The following CCSER1 variants were observed in gnomAD, a reference collection of about 807,000 sequenced individuals.
The protein encoded by CCSER1 is serine-rich coiled-coil domain-containing protein 1.
Under a neutral mutation model 82.0 loss-of-function variants are expected in CCSER1, and 41 were observed. The ratio of observed to expected loss-of-function variants is 0.50; its 90% CI spans 0.39 to 0.65. The LOEUF (loss-of-function observed/expected upper bound fraction) is 0.65, where lower values mean the gene tolerates loss of function less well. Among genes scored for constraint, CCSER1 ranks in the 30% least tolerant of loss-of-function variants. The pLI is 0.00. For missense variants in CCSER1, 1,119 were observed against 1,064.2 expected, an observed-to-expected ratio of 1.05 and a Z score of -0.72; for synonymous variants, 414 against 383.9, an observed-to-expected ratio of 1.08 and a Z score of -0.92.
chr4:90,151,236 C>G (rs952107222), intron 1 of CCSER1, among the ~76,000 whole-genome samples: 1 of 151,830 alleles, frequency 6.6e-6, no homozygotes, highest in African/African-American at 2.4e-5. Flanking sequence ...ATAAAAGCCA[C>G]CAGAGGTAAA....
chr4:90,770,604 T>TATTC (rs1751940559), intron 7 of CCSER1, among the ~76,000 whole-genome samples: 1 of 152,234 alleles, frequency 6.6e-6, no homozygotes. Flanking sequence ...TCCTTTAGTG[T>TATTC]ATTCAGTGGT....
rs181967276 is a variant in CCSER1, at chr4:91,079,997, A to C, written c.2173-5953A>C. On this transcript the variant is annotated intron_variant, in intron 9 of 10. Coordinates refer to ENST00000509176, the MANE Select transcript of CCSER1 (RefSeq NM_001145065.2). ...ACTTTAACAACCCCCTGTCAACATTAGACAGATCAACAAGACAGAAAGTTA... is the reference window on the plus strand; with the variant it reads ...ACTTTAACAACCCCCTGTCAACATTCGACAGATCAACAAGACAGAAAGTTA... Among the ~76,000 whole-genome samples, 286 of 152,326 alleles carry C rather than the reference A, an allele frequency of 1.9e-3. 1 individual carries two copies. Among genetic ancestry groups the C allele is most frequent in the South Asian group, 4.6e-3 (22 of 4,828 alleles).
chr4:91,147,717 C>T (rs1279444341), intron 10 of CCSER1, among the ~76,000 whole-genome samples: 1 of 152,136 alleles, frequency 6.6e-6, no homozygotes, highest in South Asian at 2.1e-4. Flanking sequence ...CAGCAAAACT[C>T]TATTTTAATT....
chr4:90,715,691 CT>C (rs1741512275), intron 6 of CCSER1, among the ~76,000 whole-genome samples: 1 of 151,930 alleles, frequency 6.6e-6, no homozygotes, highest in Non-Finnish European at 1.5e-5. Context: ...TACTAAAAGC[CT>C]TTTCAAGTAG....
chr4:90,860,138 T>A (rs1282379974), intron 8 of CCSER1, among the ~76,000 whole-genome samples: 2 of 151,604 alleles, frequency 1.3e-5, no homozygotes, highest in African/African-American at 2.4e-5. Context: ...ACATAAAAAA[T>A]TTGTATAATT....
rs566658320 is a variant in CCSER1 at position 91,088,040 on chromosome 4, C to T, written c.2217+2046C>T. 7.9e-5 allele frequency among the ~76,000 whole-genome samples: 12 copies of T among 152,038 alleles called. No individual in the cohort carries two copies. The South Asian group carries it at 1.2e-3, about 16-fold the overall frequency. ...GATCTCACTTGCTTAAGAAATGGGA[C>T]GTGTATGTATCTAATTTCCATTTGT... On this transcript the variant is annotated intron_variant, in intron 10 of 10. Transcript: ENST00000509176.
chr4:91,146,922 G>A (rs1392782246), intron 10 of CCSER1, among the ~76,000 whole-genome samples: 2 of 152,186 alleles, frequency 1.3e-5, no homozygotes, highest in African/African-American at 4.8e-5. Flanking sequence ...ACAGAGGGCA[G>A]GAGAGGACTC....
chr4:91,396,729 G>A (rs1448453163), intron 10 of CCSER1, among the ~76,000 whole-genome samples: 10 of 151,932 alleles, frequency 6.6e-5, no homozygotes, highest in South Asian at 4.1e-4. Context: ...TTTCAAGTGC[G>A]CCAAGGGAAA....
chr4:91,003,353 G>A (rs1738212342), intron 9 of CCSER1, among the ~76,000 whole-genome samples: 1 of 152,098 alleles, frequency 6.6e-6, no homozygotes. Context: ...GTGAGGGCAG[G>A]GCTAGGCATG....
chr4:90,595,845 T>G (rs1328444587), intron 5 of CCSER1, among the ~76,000 whole-genome samples: 1 of 151,986 alleles, frequency 6.6e-6, no homozygotes, highest in African/African-American at 2.4e-5. Context: ...ATTTTTTGAT[T>G]AGACTTGTTG....
At chr4:91,297,330 C>A in intron 10 of CCSER1, among the ~76,000 whole-genome samples, 1 of 149,520 alleles carries the variant, frequency 6.7e-6, no homozygotes, top group African/African-American at 2.5e-5. Context: ...AGTAAAAAGC[C>A]AAGAATGTTC....
At chr4:91,066,544 A>C (rs1720834177) in intron 9 of CCSER1, among the ~76,000 whole-genome samples, 2 of 152,250 alleles carry the variant, frequency 1.3e-5, no homozygotes, top group Admixed American at 6.5e-5. Context: ...ACCAGAGAAT[A>C]GTGAAAAAAT....
intron 5 of CCSER1, among the ~76,000 whole-genome samples, chr4:90,469,695 CAGCTATCAACA>C: frequency 6.6e-6 from 1 of 152,060 alleles, no homozygotes; most frequent in East Asian, 1.9e-4. Flanking sequence ...TCTATAGCTT[CAGCTATCAACA>C]TTATGGGTGA....
At chr4:90,915,967 G>A (rs1727322318) in intron 8 of CCSER1, among the ~76,000 whole-genome samples, 1 of 152,076 alleles carries the variant, frequency 6.6e-6, no homozygotes, top group Non-Finnish European at 1.5e-5. Flanking sequence ...GGGGTGTGAA[G>A]GACCTCTTCA....
chr4:90,938,634 T>G, intron 9 of CCSER1: 1 of 346,834 alleles, frequency 2.9e-6, no homozygotes, highest in Non-Finnish European at 5.8e-6. Context: ...TCATTTTATT[T>G]TATTGATTTC....
At chr4:90,231,746 C>A (rs1307947256) in intron 1 of CCSER1, among the ~76,000 whole-genome samples, 1 of 152,146 alleles carries the variant, frequency 6.6e-6, no homozygotes, top group African/African-American at 2.4e-5. Flanking sequence ...CCAAAATCTC[C>A]TTAAGCTGCT....
intron 7 of CCSER1, among the ~76,000 whole-genome samples, chr4:90,792,155 T>C (rs2149664852): frequency 6.6e-6 from 1 of 152,334 alleles, no homozygotes; most frequent in Admixed American, 6.5e-5. Context: ...TTATCTGTAA[T>C]TCCTGCACAG....
chr4:91,484,722 CAG>C (rs562049200), intron 10 of CCSER1, among the ~76,000 whole-genome samples: 68 of 152,212 alleles, frequency 4.5e-4, no homozygotes, highest in African/African-American at 1.4e-3. Flanking sequence ...ATCCCCAAAA[CAG>C]TAGCATTAGC....
chr4:91,448,852 T>C (rs115620392), intron 10 of CCSER1, among the ~76,000 whole-genome samples: 1 of 152,168 alleles, frequency 6.6e-6, no homozygotes, highest in Non-Finnish European at 1.5e-5. Flanking sequence ...GAACTTGCAT[T>C]CTAGTAGGGA....
Sources: allele counts gnomAD v4.1 joint callset (sites outside exome capture counted in the v4.1 genomes callset), GRCh38; gene constraint gnomAD v4.1.1; transcripts MANE v1.5; gene names NCBI Gene and HGNC (gene_info 2026-07-23, HGNC 2026-07-21).